RTN4R: variants seen among roughly 807,000 people sequenced by gnomAD.
The protein encoded by RTN4R is reticulon-4 receptor.
RTN4R carries 4 observed loss-of-function variants against 27.7 expected under a neutral mutation model. The observed-to-expected ratio is 0.14, with a 90% CI of 0.07 to 0.33. The LOEUF (loss-of-function observed/expected upper bound fraction) is 0.33. Ranked by LOEUF, RTN4R falls within the 10% of genes least tolerant of loss-of-function variation. The pLI is 1.00. For synonymous variants in RTN4R, 290 were observed against 305.6 expected (o/e 0.95, Z 0.53); for missense variants, 554 against 671.5 (o/e 0.83, Z 1.93).
intron 1 of RTN4R, among the ~76,000 whole-genome samples, chr22:20,262,395 T>C (rs1807466): frequency 0.25 from 37,924 of 151,846 alleles, 5,658 homozygotes; most frequent in Middle Eastern, 0.4. Flanking sequence ...CAGGGCAGAG[T>C]GGGTGATGGG....
rs1328301524 is a variant in RTN4R at position 20,264,530 on chromosome 22, C to T, written c.22+3541G>A. ...GCCAAGGATCACACCCCTTGATTTG[C>T]CTGGCTCAGAAGAGAATCTGACAGG... On this transcript the variant is annotated intron_variant, in intron 1 of 1. Coordinates refer to ENST00000043402, the MANE Select transcript of RTN4R (RefSeq NM_023004.6). Among the ~76,000 whole-genome samples, 9 of 152,204 alleles carry T rather than the reference C, an allele frequency of 5.9e-5. No homozygotes were observed. In the South Asian group the frequency reaches 1.7e-3, roughly 28 times the overall value.
At chr22:20,248,068 A>T (rs1403750304) in intron 1 of RTN4R, among the ~76,000 whole-genome samples, 1 of 152,170 alleles carries the variant, frequency 6.6e-6, no homozygotes, top group Non-Finnish European at 1.5e-5. Context: ...AATCCAGCAA[A>T]TTCTCTTGGA....
At chr22:20,259,572 C>T (rs371896538) in intron 1 of RTN4R, among the ~76,000 whole-genome samples, 32 of 152,258 alleles carry the variant, frequency 2.1e-4, no homozygotes, top group African/African-American at 6.3e-4. Flanking sequence ...CCCCTCTGGA[C>T]CCACAAGTTC....
At position 20,241,792 on chromosome 22, in the gene RTN4R, T is replaced by C; in HGVS notation, c.1341A>G (p.Ser447=). The C allele has an allele frequency of 6.4e-7, 1 of 1,563,792 alleles. No homozygotes were observed. Residue 447 remains serine, a synonymous_variant, in exon 2 of 2, where the codon TCA becomes TCG. Transcript: ENST00000043402. The part of the protein sequence containing the change: ...GGGGTGDSEG[S]GALPSLTCSL... ...TGCAGGTGAGGCTGGGTAGGGCACC[T>C]GAGCCTTCTGAGTCACCAGTCCCGC...
chr22:20,241,809 C>G lies in RTN4R; in HGVS notation c.1324G>C (p.Gly442Arg), dbSNP rs549680571. 14 of 1,577,250 alleles carry G rather than the reference C, an allele frequency of 8.9e-6. No homozygotes were observed. The Admixed American group carries it at 2.4e-4, about 27-fold the overall frequency. ...GQAGSGGGGTGDSEGSGALPS... is the reference protein window; with the variant it reads ...GQAGSGGGGTRDSEGSGALPS... ...AGGGCACCTGAGCCTTCTGAGTCACCAGTCCCGCCACCCCCGCTGCCTGCC... is the reference window on the plus strand; with the variant it reads ...AGGGCACCTGAGCCTTCTGAGTCACGAGTCCCGCCACCCCCGCTGCCTGCC... Residue 442 changes from glycine (G) to arginine (R), a missense_variant, in exon 2 of 2, where the codon GGT becomes CGT. By Grantham distance (125) the Gly-to-Arg change is moderately radical (BLOSUM62 -2). Around this residue, in one of 2 missense-constraint regions of RTN4R, gnomAD observed 141 missense variants for 129.2 expected, o/e 1.09. Coordinates refer to ENST00000043402, the MANE Select transcript of RTN4R (RefSeq NM_023004.6).
At chr22:20,243,394 A>G (rs1394292451) in intron 1 of RTN4R, 2 of 674,860 alleles carry the variant, frequency 3.0e-6, no homozygotes, top group Admixed American at 4.1e-5. Context: ...CTGGGTCACC[A>G]GGGGCACTCA....
rs745940621 is a variant in RTN4R, at chr22:20,242,959, G to A, written c.174C>T (p.Ala58=). 68 of 1,611,976 alleles carry A rather than the reference G, an allele frequency of 4.2e-5. No homozygotes were observed. The highest frequency in any genetic ancestry group is 5.3e-5 in the Non-Finnish European group (63 of 1,179,644). ...TGCCGTGCAGGAAGATGCGCTGGCT[G>A]GCAGCAGGGATGCCCACGGGCACAG... The part of the protein sequence containing the change: ...LQAVPVGIPA[A]SQRIFLHGNR... Residue 58 remains alanine (A), a synonymous_variant, in exon 2 of 2, where the codon GCC becomes GCT. Coordinates refer to ENST00000043402, the MANE Select transcript of RTN4R (RefSeq NM_023004.6).
At chr22:20,245,673 G>A (rs1322163618) in intron 1 of RTN4R, among the ~76,000 whole-genome samples, 1 of 152,090 alleles carries the variant, frequency 6.6e-6, no homozygotes, top group African/African-American at 2.4e-5. Context: ...TGGCCCTCTC[G>A]CCCACCTTTC....
At chr22:20,247,098 G>A (rs928588535) in intron 1 of RTN4R, among the ~76,000 whole-genome samples, 2 of 152,130 alleles carry the variant, frequency 1.3e-5, no homozygotes, top group African/African-American at 4.8e-5. Flanking sequence ...CAGGCCACGT[G>A]CAGAGGGGCA....
rs1029053996 is a variant in RTN4R at position 20,255,362 on chromosome 22, G to C, written c.23-12252C>G. ...TCCAAGGTGCAGGAGGAGAGCGAGG[G>C]ACAGTGAGAGCTCAAGAGCACCTGG... is the stretch of plus-strand genomic sequence containing the variant. On this transcript the variant is annotated intron_variant, in intron 1 of 1. Coordinates refer to ENST00000043402, the MANE Select transcript of RTN4R (RefSeq NM_023004.6). This position sits in a 1 kb window ranked among gnomAD's most constrained non-coding sequence, Gnocchi z 4.8. Among the ~76,000 whole-genome samples, 7 of 152,336 alleles carry C rather than the reference G, an allele frequency of 4.6e-5. No homozygotes were observed. Among genetic ancestry groups the C allele is most frequent in the African/African-American group, 1.7e-4 (7 of 41,578 alleles).
rs570214116 is a variant in RTN4R, at chr22:20,255,932, G to A, written c.22+12139C>T. Reference sequence around the variant, plus strand: ...ACCGAGGCACGCACGCAGCGGCGACGTGAATAAGTAATTGCTCTTTTATTA... The same window carrying A: ...ACCGAGGCACGCACGCAGCGGCGACATGAATAAGTAATTGCTCTTTTATTA... On this transcript the variant is annotated intron_variant, in intron 1 of 1. Coordinates refer to ENST00000043402, the MANE Select transcript of RTN4R (RefSeq NM_023004.6). This position sits in a 1 kb window ranked among gnomAD's most constrained non-coding sequence, Gnocchi z 4.8. Among the ~76,000 whole-genome samples, 115 of 152,380 alleles carry A rather than the reference G, an allele frequency of 7.5e-4. 1 individual carries two copies. The highest frequency in any genetic ancestry group is 1.3e-3 in the Non-Finnish European group (86 of 68,044).
At chr22:20,249,977 A>G (rs575933683) in intron 1 of RTN4R, among the ~76,000 whole-genome samples, 2 of 152,232 alleles carry the variant, frequency 1.3e-5, no homozygotes, top group East Asian at 3.9e-4. Context: ...CACATTAGAA[A>G]CTGAGCTGGG....
In RTN4R at chr22:20,242,090, T is replaced by G. The variant is rs2051110566; in HGVS notation, c.1043A>C (p.Glu348Ala). Residue 348 changes from glutamate (E) to alanine (A), a missense_variant, in exon 2 of 2, where the codon GAG (glutamate) becomes GCG (alanine). By Grantham distance (107) the Glu-to-Ala change is moderately radical (BLOSUM62 -1). Coordinates refer to ENST00000043402, the MANE Select transcript of RTN4R (RefSeq NM_023004.6). ...PDAADKASVL[E>A]PGRPASAGNA... ...GCCTGCCGAAGCTGGTCTTCCAGGC[T>G]CCAGTACTGAGGCCTTGTCAGCGGC... 1.9e-6 allele frequency: 3 copies of G among 1,612,444 alleles called. No individual in the cohort carries two copies. The highest frequency in any genetic ancestry group is 2.5e-6 in the Non-Finnish European group (3 of 1,179,684).
chr22:20,263,041 G>C (rs1015144463), intron 1 of RTN4R, among the ~76,000 whole-genome samples: 1 of 152,218 alleles, frequency 6.6e-6, no homozygotes, highest in African/African-American at 2.4e-5. Flanking sequence ...TCCTTGACGG[G>C]CCCCTCACCC....
chr22:20,256,730 C>G (rs546162796), intron 1 of RTN4R, among the ~76,000 whole-genome samples: 1 of 152,248 alleles, frequency 6.6e-6, no homozygotes, highest in Non-Finnish European at 1.5e-5. Context: ...GCTGCTTCTC[C>G]GACCCCGATC....
intron 1 of RTN4R, among the ~76,000 whole-genome samples, chr22:20,251,148 C>G (rs544332738): frequency 6.6e-6 from 1 of 152,154 alleles, no homozygotes; most frequent in Non-Finnish European, 1.5e-5. Flanking sequence ...CAGGTCACAC[C>G]AAGGTGGCTT....
chr22:20,250,692 T>TG lies in RTN4R; in HGVS notation c.23-7583_23-7582insC, dbSNP rs1218370502. Among the ~76,000 whole-genome samples the TG allele has an allele frequency of 3.3e-5, 5 of 152,142 alleles. 1 individual carries two copies. Among genetic ancestry groups the TG allele is most frequent in the Admixed American group, 3.3e-4 (5 of 15,272 alleles). On this transcript the variant is annotated intron_variant, in intron 1 of 1. Coordinates refer to ENST00000043402, the MANE Select transcript of RTN4R (RefSeq NM_023004.6). ...AGAAAGAGACTCAGAAATACTGAAA[T>TG]ACTCTGCAGGTCAAAACAGAAATGA...
chr22:20,248,222 C>T (rs1176847631), intron 1 of RTN4R, among the ~76,000 whole-genome samples: 3 of 152,312 alleles, frequency 2.0e-5, no homozygotes, highest in African/African-American at 7.2e-5. Context: ...CAAAATCTTG[C>T]AATTAAAGAT....
chr22:20,241,760 G>C lies in RTN4R; in HGVS notation c.1373C>G (p.Thr458Ser), dbSNP rs1478373174. Reference sequence around the variant, plus strand: ...CAGCACCAGCGCCAGGCCCAGGGGGGTGAGGCTGCAGGTGAGGCTGGGTAG... The same window carrying C: ...CAGCACCAGCGCCAGGCCCAGGGGGCTGAGGCTGCAGGTGAGGCTGGGTAG... Reference protein sequence around the residue: ...GALPSLTCSLTPLGLALVLWT... With the variant: ...GALPSLTCSLSPLGLALVLWT... The change falls in exon 2 of 2, where the codon ACC (threonine) becomes AGC (serine). Residue 458 changes from threonine (T) to serine (S), a missense_variant. Thr to Ser is a moderately conservative substitution (Grantham distance 58). Around this residue, in one of 2 missense-constraint regions of RTN4R, gnomAD observed 141 missense variants for 129.2 expected, o/e 1.09. Transcript: ENST00000043402. 3.2e-6 allele frequency: 5 copies of C among 1,552,972 alleles called. No homozygotes were observed. The highest frequency in any genetic ancestry group is 2.4e-5 in the East Asian group (1 of 41,084).
Sources: gnomAD v4.1 joint callset for allele counts (sites outside exome capture counted in the v4.1 genomes callset) on GRCh38, gnomAD v4.1.1 for gene constraint, gnomAD v4.1.1 regional missense constraint, Gnocchi (gnomAD v3.1) non-coding constraint, MANE v1.5 for transcripts, NCBI Gene and HGNC (gene_info 2026-07-23, HGNC 2026-07-21) for gene names.